Variants in KHDRBS2 observed in about 807,000 individuals in gnomAD.
KHDRBS2 encodes KH domain-containing, RNA-binding, signal transduction-associated protein 2.
KHDRBS2 carries 26 observed loss-of-function variants against 44.3 expected under a neutral mutation model. The observed-to-expected ratio is 0.59, with a 90% CI of 0.43 to 0.81. The LOEUF (loss-of-function observed/expected upper bound fraction) is 0.81. KHDRBS2 is among the 40% of genes least tolerant of loss of function. The probability of loss-of-function intolerance (pLI) is 0.00; values close to 1 mark genes in which losing one functional copy is unlikely to be tolerated. For missense variants in KHDRBS2, 476 were observed against 433.1 expected, an observed-to-expected ratio of 1.10 and a Z score of -0.88; for synonymous variants, 194 against 151.1, an observed-to-expected ratio of 1.28 and a Z score of -2.08.
chr6:61,797,418 G>C (rs1785520794), intron 6 of KHDRBS2, among the ~76,000 whole-genome samples: 2 of 152,174 alleles, frequency 1.3e-5, no homozygotes, highest in Non-Finnish European at 1.5e-5. Context: ...CAAGAGGTGA[G>C]AGAAGCATAA....
At chr6:61,823,725 T>C (rs1241331992) in intron 6 of KHDRBS2, among the ~76,000 whole-genome samples, 1 of 152,128 alleles carries the variant, frequency 6.6e-6, no homozygotes, top group African/African-American at 2.4e-5. Flanking sequence ...CATTTTATCT[T>C]CTGAGTATGT....
At chr6:61,932,501 T>A (rs1438081170) in intron 4 of KHDRBS2, among the ~76,000 whole-genome samples, 1 of 152,122 alleles carries the variant, frequency 6.6e-6, no homozygotes, top group Non-Finnish European at 1.5e-5. Flanking sequence ...AGATTCCACG[T>A]AAGAGTGAAG....
rs950135162 is a variant in KHDRBS2, at chr6:61,710,945, G to T, written c.894-13692C>A. ...TTTGATGCAACTGGACTCAGCAGGG[G>T]CTCAGAAATCTGGAGTTTCATTTAC... On this transcript the variant is annotated intron_variant, in intron 7 of 8. Transcript: ENST00000281156. Among the ~76,000 whole-genome samples the T allele has an allele frequency of 4.0e-5, 6 of 148,232 alleles. No homozygotes were observed. The East Asian group carries it at 1.2e-3, about 29-fold the overall frequency.
chr6:61,840,708 C>G (rs1486560264), intron 6 of KHDRBS2, among the ~76,000 whole-genome samples: 1 of 152,160 alleles, frequency 6.6e-6, no homozygotes, highest in Non-Finnish European at 1.5e-5. Flanking sequence ...TCTGCTCCAG[C>G]TGCATTCTAC....
intron 6 of KHDRBS2, among the ~76,000 whole-genome samples, chr6:61,858,902 A>T (rs1458990638): frequency 6.6e-6 from 1 of 151,916 alleles, no homozygotes; most frequent in Non-Finnish European, 1.5e-5. Context: ...TATTCAACTT[A>T]TTGTATAGTT....
At chr6:62,192,487 A>G (rs771870511) in intron 1 of KHDRBS2, among the ~76,000 whole-genome samples, 7 of 152,112 alleles carry the variant, frequency 4.6e-5, no homozygotes, top group Non-Finnish European at 8.8e-5. Context: ...ATAAAATGGC[A>G]TTCACCATTT....
At chr6:62,006,605 A>G (rs1779273818) in intron 3 of KHDRBS2, among the ~76,000 whole-genome samples, 1 of 152,034 alleles carries the variant, frequency 6.6e-6, no homozygotes, top group Non-Finnish European at 1.5e-5. Flanking sequence ...TAACAATAAT[A>G]AAGTATCTTC....
intron 2 of KHDRBS2, among the ~76,000 whole-genome samples, chr6:62,058,153 G>C (rs1790722683): frequency 6.6e-6 from 1 of 151,694 alleles, no homozygotes; most frequent in Non-Finnish European, 1.5e-5. Flanking sequence ...AAATAAGATA[G>C]GCAATACAAC....
intron 6 of KHDRBS2, among the ~76,000 whole-genome samples, chr6:61,831,351 T>C (rs545310218): frequency 2.6e-5 from 4 of 152,028 alleles, no homozygotes; most frequent in African/African-American, 9.6e-5. Context: ...ATAAGAAAAA[T>C]GTGTGTGTGG....
chr6:61,720,791 C>G (rs1482758973), intron 7 of KHDRBS2, among the ~76,000 whole-genome samples: 1 of 151,424 alleles, frequency 6.6e-6, no homozygotes, highest in Non-Finnish European at 1.5e-5. Context: ...AATTAGATCC[C>G]ATTTGTCAAT....
chr6:62,168,669 T>G (rs1478580584), intron 2 of KHDRBS2, among the ~76,000 whole-genome samples: 1 of 152,208 alleles, frequency 6.6e-6, no homozygotes, highest in African/African-American at 2.4e-5. Flanking sequence ...TCTTCATTAA[T>G]ATCAACTTTA....
At chr6:61,606,368 C>T in the KHDRBS2 span, among the ~76,000 whole-genome samples, 3 of 152,138 alleles carry the variant, frequency 2.0e-5, no homozygotes, top group Non-Finnish European at 4.4e-5. Context: ...TTATCTTGCT[C>T]ACAGTGCCAA....
intron 4 of KHDRBS2, among the ~76,000 whole-genome samples, chr6:61,918,282 T>C (rs535491375): frequency 6.6e-6 from 1 of 152,058 alleles, no homozygotes; most frequent in African/African-American, 2.4e-5. Flanking sequence ...AGCTCATAGA[T>C]GCCTAAATCA....
chr6:61,551,191 CTGA>C, the KHDRBS2 span, among the ~76,000 whole-genome samples: 1 of 152,074 alleles, frequency 6.6e-6, no homozygotes, highest in African/African-American at 2.4e-5. Flanking sequence ...CTGTTGTCCT[CTGA>C]CCTTTTTTCA....
rs116683833 is a variant in KHDRBS2, at chr6:61,960,771, A to C, written c.483+17295T>G. Among the ~76,000 whole-genome samples the C allele has an allele frequency of 7.0e-3, 1,063 of 152,262 alleles. 18 individuals are homozygous for C. Among genetic ancestry groups the C allele is most frequent in the African/African-American group, 0.023 (946 of 41,558 alleles). ...TTTATTTTTGATAGACATTATGTAC[A>C]TTTGAGAACAAATTTTAAGATTAAA... On this transcript the variant is annotated intron_variant, in intron 4 of 8. Coordinates refer to ENST00000281156, the MANE Select transcript of KHDRBS2 (RefSeq NM_152688.4).
chr6:61,672,558 T>C, the KHDRBS2 span, among the ~76,000 whole-genome samples: 1 of 152,032 alleles, frequency 6.6e-6, no homozygotes, highest in Non-Finnish European at 1.5e-5. Context: ...TGAGATGGTA[T>C]CTCATTGTGG....
chr6:62,038,874 A>G (rs1445519606), intron 3 of KHDRBS2, among the ~76,000 whole-genome samples: 7 of 152,068 alleles, frequency 4.6e-5, no homozygotes, highest in African/African-American at 1.7e-4. Flanking sequence ...TATCCTTATT[A>G]TTTTGCTTTT....
chr6:61,750,777 AC>A (rs1777567304), intron 6 of KHDRBS2, among the ~76,000 whole-genome samples: 1 of 151,218 alleles, frequency 6.6e-6, no homozygotes, highest in South Asian at 2.1e-4. Context: ...AAAAAAAAAA[AC>A]ATCTAGGAGG....
intron 2 of KHDRBS2, among the ~76,000 whole-genome samples, chr6:62,075,983 T>A (rs2127350073): frequency 6.6e-6 from 1 of 151,934 alleles, no homozygotes; most frequent in Non-Finnish European, 1.5e-5. Flanking sequence ...CTGTTATGCT[T>A]TTACTCTAAT....
Sources: allele counts gnomAD v4.1 joint callset (sites outside exome capture counted in the v4.1 genomes callset), GRCh38; gene constraint gnomAD v4.1.1; transcripts MANE v1.5; gene names NCBI Gene and HGNC (gene_info 2026-07-23, HGNC 2026-07-21).